RUNX1T1: variants seen among roughly 807,000 people sequenced by gnomAD.
The protein encoded by RUNX1T1 is protein CBFA2T1.
In RUNX1T1, 4 loss-of-function variants were observed where a neutral mutation model predicts 62.8. The ratio of observed to expected loss-of-function variants is 0.06; its 90% CI spans 0.03 to 0.15. RUNX1T1 has a LOEUF of 0.15. Ranked by LOEUF, RUNX1T1 falls within the 10% of genes least tolerant of loss-of-function variation. The probability of loss-of-function intolerance (pLI) is 1.00; values close to 1 mark genes in which losing one functional copy is unlikely to be tolerated. For synonymous variants in RUNX1T1, 291 were observed against 286.0 expected, an observed-to-expected ratio of 1.02 and a Z score of -0.18; for missense variants, 508 against 754.3, an observed-to-expected ratio of 0.67 and a Z score of 3.82.
At chr8:92,099,170 GACA>G (rs1837927331) in intron 1 of RUNX1T1, among the ~76,000 whole-genome samples, 1 of 152,092 alleles carries the variant, frequency 6.6e-6, no homozygotes, top group Non-Finnish European at 1.5e-5. Context: ...AGTTGGGGGA[GACA>G]ACATTTTTCT....
At chr8:92,075,853 G>A (rs1834341225) in intron 2 of RUNX1T1, 112 bp downstream of exon 2, 2 of 970,586 alleles carry the variant, frequency 2.1e-6, no homozygotes, top group Admixed American at 2.5e-5. Context: ...ACAGGCACTA[G>A]AAGAAGGAAG....
At chr8:92,047,197 C>T (rs576703901) in intron 1 of RUNX1T1, among the ~76,000 whole-genome samples, 2 of 152,160 alleles carry the variant, frequency 1.3e-5, no homozygotes, top group East Asian at 1.9e-4. Context: ...AACCTGGCCA[C>T]GTTGTCTTTC....
rs545624364 is a variant in RUNX1T1, at chr8:92,036,568, T to A, written c.8-19205A>T. Among the ~76,000 whole-genome samples, 72 of 152,318 alleles carry A rather than the reference T, an allele frequency of 4.7e-4. 1 individual carries two copies. Among genetic ancestry groups the A allele is most frequent in the Non-Finnish European group, 8.1e-4 (55 of 68,010 alleles). ...TGTTGGGAACTTCTGTTTTGAGGGA[T>A]CAACACAGCACCTTTGAATACCTTT... On this transcript the variant is annotated intron_variant, in intron 1 of 10. Transcript: ENST00000396218.
upstream of RUNX1T1, among the ~76,000 whole-genome samples, chr8:92,064,082 T>A (rs543222413): frequency 3.9e-5 from 6 of 152,286 alleles, no homozygotes; most frequent in African/African-American, 1.2e-4. Context: ...ACAGAGGCAA[T>A]AACTCTGACT....
At chr8:91,965,527 T>G (rs1257505718) in intron 10 of RUNX1T1, among the ~76,000 whole-genome samples, 1 of 152,148 alleles carries the variant, frequency 6.6e-6, no homozygotes, top group African/African-American at 2.4e-5. Context: ...CAAATTACTC[T>G]CAAACCTGTT....
intron 1 of RUNX1T1, among the ~76,000 whole-genome samples, chr8:92,084,946 G>C (rs952259939): frequency 1.3e-5 from 2 of 152,180 alleles, no homozygotes; most frequent in African/African-American, 2.4e-5. Flanking sequence ...GAGACTACTG[G>C]GGTTTAGAGA....
chr8:91,960,570 C>T (rs1810216411), intron 10 of RUNX1T1, 53 bp from the exon 12 acceptor site: 17 of 1,566,206 alleles, frequency 1.1e-5, no homozygotes, highest in Non-Finnish European at 1.4e-5. Context: ...ACTGTTAAGA[C>T]AATAGTCTGA....
At chr8:92,032,700 G>A (rs566814932) in intron 1 of RUNX1T1, among the ~76,000 whole-genome samples, 42 of 152,182 alleles carry the variant, frequency 2.8e-4, no homozygotes, top group Non-Finnish European at 4.9e-4. Flanking sequence ...GATCACTTGG[G>A]CCCAGGAGTT....
upstream of RUNX1T1, chr8:92,103,047 G>A (rs1808444643): frequency 3.3e-6 from 2 of 603,576 alleles, no homozygotes; most frequent in Middle Eastern, 5.0e-4. Flanking sequence ...GCCGCGGAGC[G>A]ACTACGGCCG....
chr8:92,003,687 G>C (rs1218176638), intron 5 of RUNX1T1, among the ~76,000 whole-genome samples: 1 of 152,124 alleles, frequency 6.6e-6, no homozygotes, highest in East Asian at 1.9e-4. Flanking sequence ...GGTCAAACAG[G>C]AATGCACATG....
chr8:92,051,679 C>T (rs377215765), intron 1 of RUNX1T1, among the ~76,000 whole-genome samples: 25 of 151,820 alleles, frequency 1.6e-4, no homozygotes, highest in South Asian at 8.3e-4. Flanking sequence ...TCAGTTCAGA[C>T]GCGGCTTGGA....
At chr8:91,975,971 C>A in exon 9 of RUNX1T1, 1 of 1,611,380 alleles carries the variant, frequency 6.2e-7, no homozygotes, top group South Asian at 1.1e-5. Context: ...TCCCGATGCG[C>A]GTCTATGAAA....
In RUNX1T1 at chr8:92,033,806, C is replaced by G. The variant is rs151233579; in HGVS notation, c.8-16443G>C. Among the ~76,000 whole-genome samples the G allele has an allele frequency of 7.3e-3, 1,105 of 152,136 alleles. 7 individuals are homozygous for G. Among genetic ancestry groups the G allele is most frequent in the Middle Eastern group, 0.034 (10 of 294 alleles). ...CCAATATGGTGAAACCCCGTCTCCA[C>G]TAAAAATACAAAAATTAGCCGGGTG... is the stretch of plus-strand genomic sequence containing the variant. On this transcript the variant is annotated intron_variant, in intron 1 of 10. Coordinates refer to ENST00000396218, the Ensembl canonical transcript of RUNX1T1.
intron 1 of RUNX1T1, among the ~76,000 whole-genome samples, chr8:92,045,690 T>C (rs1829269579): frequency 6.6e-6 from 1 of 152,190 alleles, no homozygotes; most frequent in African/African-American, 2.4e-5. Flanking sequence ...TCTCCACTTT[T>C]CTGCCTCTCA....
chr8:91,976,192 A>G, intron 8 of RUNX1T1: 1 of 509,324 alleles, frequency 2.0e-6, no homozygotes, highest in Non-Finnish European at 3.5e-6. Context: ...TCTAAATGCC[A>G]TGCATGCTCA....
chr8:92,044,842 A>G (rs1293255564), intron 1 of RUNX1T1, among the ~76,000 whole-genome samples: 3 of 152,344 alleles, frequency 2.0e-5, no homozygotes, highest in Non-Finnish European at 2.9e-5. Context: ...CTTAACCACT[A>G]TATTACCCTC....
intron 9 of RUNX1T1, among the ~76,000 whole-genome samples, chr8:91,974,155 T>C (rs1199518479): frequency 1.3e-5 from 2 of 151,934 alleles, no homozygotes; most frequent in Admixed American, 6.6e-5. Context: ...AGAAAAATAA[T>C]AGTGGAGTCA....
intron 1 of RUNX1T1, among the ~76,000 whole-genome samples, chr8:92,028,422 C>T (rs1825664520): frequency 6.6e-6 from 1 of 152,010 alleles, no homozygotes; most frequent in Non-Finnish European, 1.5e-5. Context: ...CAGCTGTTAC[C>T]ACCTTTATTC....
chr8:91,958,742 A>C (rs1248000959), downstream of RUNX1T1: 6 of 181,488 alleles, frequency 3.3e-5, no homozygotes, highest in East Asian at 1.8e-4. Flanking sequence ...AAAAAAAAAA[A>C]AAAAACAAAA....
Sources: allele counts gnomAD v4.1 joint callset (sites outside exome capture counted in the v4.1 genomes callset), GRCh38; gene constraint gnomAD v4.1.1; transcripts MANE v1.5; gene names NCBI Gene and HGNC (gene_info 2026-07-23, HGNC 2026-07-21).